The following HSD3B7 variants were observed in gnomAD, a reference collection of about 807,000 sequenced individuals.
HSD3B7 encodes 3 beta-hydroxysteroid dehydrogenase type 7.
Under a neutral mutation model 34.3 loss-of-function variants are expected in HSD3B7, and 35 were observed. The observed-to-expected ratio is 1.02, with a 90% CI of 0.78 to 1.35. HSD3B7 has a LOEUF of 1.35. Ranked by LOEUF, HSD3B7 falls within the 40% of genes most tolerant of loss-of-function variation. The pLI, the probability that HSD3B7 is intolerant of heterozygous loss-of-function variation, is 0.00. For missense variants in HSD3B7, 426 were observed against 504.7 expected, an observed-to-expected ratio of 0.84 and a Z score of 1.49; for synonymous variants, 217 against 220.1, an observed-to-expected ratio of 0.99 and a Z score of 0.13.
At position 30,986,887 on chromosome 16, in the gene HSD3B7, C is replaced by G. The variant is rs1462711600; in HGVS notation, c.579C>G (p.Gly193=). ...TGACGTGTGCCCTTCGTCCCACGGG[C>G]ATCTACGGTGAAGGCCACCAGATCA... is the stretch of plus-strand genomic sequence containing the variant. ...PLVTCALRPT[G]IYGEGHQIMR... Residue 193 remains glycine, a synonymous_variant, in exon 6 of 7, where the codon GGC becomes GGG. Transcript: ENST00000297679. 4.3e-6 allele frequency: 7 copies of G among 1,613,830 alleles called. No homozygotes were observed. Among genetic ancestry groups the G allele is most frequent in the Non-Finnish European group, 5.9e-6 (7 of 1,180,054 alleles).
chr16:30,987,042 CAGG>C, intron 6 of HSD3B7, 40 bp downstream of exon 6: 1 of 1,587,644 alleles, frequency 6.3e-7, no homozygotes, highest in Non-Finnish European at 8.6e-7. Flanking sequence ...GAGAATATGG[CAGG>C]AGGACTTGCT....
Position 30,986,692 on chromosome 16 carries a change from C to T in HSD3B7, c.519C>T (p.Ala173=). 6.2e-7 allele frequency: 1 copy of T among 1,614,036 alleles called. No individual in the cohort carries two copies. The highest frequency in any genetic ancestry group is 8.5e-7 in the Non-Finnish European group (1 of 1,179,994). Residue 173 remains alanine, a synonymous_variant, in exon 5 of 7, where the codon GCC becomes GCT. Transcript: ENST00000297679. The stretch of plus-strand genomic sequence containing the variant: ...TGGCCGAGTGGCTGGTCCTGGAGGC[C>T]AACGGGAGGAAGGTGAGCCCAGAAA... ...KALAEWLVLE[A]NGRKVRGGLP... is the part of the protein sequence containing the mutation.
At chr16:30,985,378 C>A in intron 1 of HSD3B7, 81 bp downstream of exon 1, 1 of 1,343,474 alleles carries the variant, frequency 7.4e-7, no homozygotes, top group Non-Finnish European at 9.6e-7. Flanking sequence ...TTCCCTCCAC[C>A]TCCCTCAACT....
intron 2 of HSD3B7, 63 bp from the exon 3 acceptor site, chr16:30,985,986 G>A (rs200373453): frequency 1.1e-4 from 168 of 1,594,336 alleles, no homozygotes; most frequent in Middle Eastern, 6.8e-4. Flanking sequence ...GGTGGAAGAT[G>A]AACCCAGCCT....
chr16:30,986,161 T>C lies in HSD3B7; in HGVS notation c.279T>C (p.Phe93=). 3 of 1,614,056 alleles carry C rather than the reference T, an allele frequency of 1.9e-6. No individual in the cohort carries two copies. Among genetic ancestry groups the C allele is most frequent in the Non-Finnish European group, 2.5e-6 (3 of 1,180,014 alleles). The change falls in exon 3 of 7, where the codon TTT becomes TTC. Residue 93 remains phenylalanine (F), a synonymous_variant. Coordinates refer to ENST00000297679, the MANE Select transcript of HSD3B7 (RefSeq NM_025193.4). ...VIHTAGLVDV[F]GRASPKTIHE... is the part of the protein sequence containing the mutation. The stretch of plus-strand genomic sequence containing the variant: ...ACACGGCTGGGCTGGTAGACGTGTT[T>C]GGCAGGGCCAGTCCCAAGACCATCC...
At position 30,988,208 on chromosome 16, in the gene HSD3B7, C is replaced by T; in HGVS notation, c.*25C>T. 6.4e-7 allele frequency: 1 copy of T among 1,568,396 alleles called. No homozygotes were observed. On this transcript the variant is annotated 3_prime_UTR_variant, in exon 7 of 7. Transcript: ENST00000297679. ...ACGGTGGGGCTGGGGCCTGGAGGCCCAGATACAGCACATCCACCCAGGTCC... is the reference window on the plus strand; with the variant it reads ...ACGGTGGGGCTGGGGCCTGGAGGCCTAGATACAGCACATCCACCCAGGTCC...
rs891233062 is a variant in HSD3B7, at chr16:30,986,908, G to A, written c.600G>A (p.Gln200=). 9 of 1,613,760 alleles carry A rather than the reference G, an allele frequency of 5.6e-6. No homozygotes were observed. Among genetic ancestry groups the A allele is most frequent in the Non-Finnish European group, 6.8e-6 (8 of 1,180,034 alleles). Reference sequence around the variant, plus strand: ...CGGGCATCTACGGTGAAGGCCACCAGATCATGAGGGACTTCTACCGCCAGG... The same window carrying A: ...CGGGCATCTACGGTGAAGGCCACCAAATCATGAGGGACTTCTACCGCCAGG... ...RPTGIYGEGH[Q]IMRDFYRQGL... Residue 200 remains glutamine, a synonymous_variant, in exon 6 of 7, where the codon CAG becomes CAA. Transcript: ENST00000297679.
At chr16:30,985,945 C>T (rs776155947) in intron 2 of HSD3B7, 104 bp from the exon 3 acceptor site, 16 of 1,574,376 alleles carry the variant, frequency 1.0e-5, no homozygotes, top group South Asian at 6.9e-5. Flanking sequence ...ATGGATGGGT[C>T]GAGTGAGTCA....
Position 30,987,674 on chromosome 16 carries a change from T to G in HSD3B7, c.695-94T>G, listed in dbSNP as rs780987563. ...TGTGGGGATGTGGGCGGCAACTACC[T>G]GGGCCCAAAGAGGGGGTGGCCCAGG... On this transcript the variant is annotated intron_variant, in intron 6 of 6. Transcript: ENST00000297679. The G allele has an allele frequency of 1.2e-4, 181 of 1,451,468 alleles. No individual in the cohort carries two copies. In the Middle Eastern group the frequency reaches 2.0e-3, roughly 16 times the overall value. 89.9% of individuals were successfully genotyped at this position (1,451,468 alleles called of 1,614,324 possible).
In HSD3B7 at chr16:30,988,039, C is replaced by T; in HGVS notation, c.966C>T (p.Tyr322=). The change falls in exon 7 of 7, where the codon TAC becomes TAT. Residue 322 remains tyrosine (Y), a synonymous_variant. Transcript: ENST00000297679. ...LVLYAPLLNP[Y]TLAVANTTFT... Reference sequence around the variant, plus strand: ...TCTACGCACCCCTGCTGAACCCCTACACGCTGGCCGTGGCCAACACCACCT... The same window carrying T: ...TCTACGCACCCCTGCTGAACCCCTATACGCTGGCCGTGGCCAACACCACCT... 1 of 1,607,296 alleles carries T rather than the reference C, an allele frequency of 6.2e-7. No homozygotes were observed.
Position 30,987,887 on chromosome 16 carries a change from A to G in HSD3B7, c.814A>G (p.Asn272Asp). Residue 272 changes from asparagine (N) to aspartate (D), a missense_variant, in exon 7 of 7, where the codon AAC becomes GAC. Transcript: ENST00000297679. ...ACCCTACAGGAGCTACGAGGATTTC[A>G]ACATGGAGTTCCTGGGCCCCTGCGG... ...GSPYRSYEDF[N>D]MEFLGPCGLR... 6.2e-7 allele frequency: 1 copy of G among 1,613,926 alleles called. No homozygotes were observed.
Position 30,988,298 on chromosome 16 carries a change from G to A in HSD3B7, c.*115G>A. ...CCAGAGCAGGAGGCAGGGCTCTGGG[G>A]CCAGAATGGCTGTCCTTGTCGTAGA... is the stretch of plus-strand genomic sequence containing the variant. On this transcript the variant is annotated 3_prime_UTR_variant, in exon 7 of 7. Transcript: ENST00000297679. The A allele has an allele frequency of 1.0e-6, 1 of 975,016 alleles. No individual in the cohort carries two copies. The highest frequency in any genetic ancestry group is 1.5e-6 in the Non-Finnish European group (1 of 666,830). The allele number at this position is 975,016 out of a possible 1,614,324, so 60.4% of individuals were successfully genotyped here. A position where few individuals can be genotyped will look rare whatever the true frequency, so the allele number is the denominator to read the frequency against.
chr16:30,985,917 A>T, intron 2 of HSD3B7, 93 bp downstream of exon 2: 1 of 1,581,782 alleles, frequency 6.3e-7, no homozygotes, highest in Non-Finnish European at 8.6e-7. Context: ...GGAACAGATG[A>T]TGCTGGTTTC....
rs2056519623 is a variant in HSD3B7 at position 30,988,382 on chromosome 16, G to A, written c.*199G>A. On this transcript the variant is annotated 3_prime_UTR_variant, in exon 7 of 7. Transcript: ENST00000297679. ...GGGTCTTGCTCTGTCACCCAGACTG[G>A]AGTGCAGTGGTGTGATCATAGCTCA... 5 of 593,620 alleles carry A rather than the reference G, an allele frequency of 8.4e-6. No individual in the cohort carries two copies. The highest frequency in any genetic ancestry group is 1.5e-5 in the Non-Finnish European group (5 of 335,610). The allele number at this position is 593,620 out of a possible 1,614,324, so 36.8% of individuals were successfully genotyped here.
At position 30,987,775 on chromosome 16, in the gene HSD3B7, T is replaced by C; in HGVS notation, c.702T>C (p.Val234=). The change falls in exon 7 of 7, where the codon GTT becomes GTC. Residue 234 remains valine, a synonymous_variant. Transcript: ENST00000297679. ...VEHGRVYVGN[V]AWMHVLAARE... The stretch of plus-strand genomic sequence containing the variant: ...CTCTTCCGCCACCGGCAGGCAATGT[T>C]GCCTGGATGCACGTGCTGGCAGCCC... 6.2e-7 allele frequency: 1 copy of C among 1,612,324 alleles called. No individual in the cohort carries two copies. The highest frequency in any genetic ancestry group is 1.1e-5 in the South Asian group (1 of 91,084).
At chr16:30,986,236 G>T in intron 3 of HSD3B7, 32 bp downstream of exon 3, 3 of 1,608,770 alleles carry the variant, frequency 1.9e-6, no homozygotes, top group Admixed American at 1.7e-5. Flanking sequence ...TGGCCATCTT[G>T]CCTGTTTGTT....
rs145747267 is a variant in HSD3B7 at position 30,988,168 on chromosome 16, G to A, written c.1095G>A (p.Thr365=). 2.4e-5 allele frequency: 38 copies of A among 1,601,202 alleles called. No homozygotes were observed. Among genetic ancestry groups the A allele is most frequent in the Non-Finnish European group, 2.8e-5 (33 of 1,177,718 alleles). ...CCATTCTCTGGGTACAGGCCGCTAC[G>A]GGTTCAGCCCAGTGACGGTGGGGCT... ...TRTILWVQAA[T]GSAQ is the part of the protein sequence containing the mutation. The change falls in exon 7 of 7, where the codon ACG becomes ACA. Residue 365 remains threonine (T), a synonymous_variant. Transcript: ENST00000297679.
At chr16:30,987,696 C>G in intron 6 of HSD3B7, 72 bp from the exon 7 acceptor site, 1 of 1,567,622 alleles carries the variant, frequency 6.4e-7, no homozygotes, top group Non-Finnish European at 8.7e-7. Flanking sequence ...GGGGGTGGCC[C>G]AGGAGAGCAG....
intron 1 of HSD3B7, 65 bp from the exon 2 acceptor site, chr16:30,985,588 A>G (rs1171435668): frequency 6.5e-7 from 1 of 1,546,018 alleles, no homozygotes; most frequent in Non-Finnish European, 8.7e-7. Flanking sequence ...GGGCACCTCC[A>G]GCAGTAACAG....
Sources: gnomAD v4.1 joint callset for allele counts on GRCh38, gnomAD v4.1.1 for gene constraint, MANE v1.5 for transcripts, NCBI Gene and HGNC (gene_info 2026-07-23, HGNC 2026-07-21) for gene names.